Variants in FANCI observed in about 807,000 individuals in gnomAD.
FANCI encodes the protein FA complementation group I, also known as Fanconi anemia group I protein.
Under a neutral mutation model 176.1 loss-of-function variants are expected in FANCI, and 156 were observed. The ratio of observed to expected loss-of-function variants is 0.89; its 90% CI spans 0.78 to 1.01. FANCI has a LOEUF of 1.01. FANCI is among the 50% of genes least tolerant of loss of function. The probability of loss-of-function intolerance (pLI) is 0.00; values close to 1 mark genes in which losing one functional copy is unlikely to be tolerated. For missense variants in FANCI, 1,678 were observed against 1,534.1 expected, an observed-to-expected ratio of 1.09 and a Z score of -1.57; for synonymous variants, 613 against 541.7, an observed-to-expected ratio of 1.13 and a Z score of -1.83.
intron 2 of FANCI, among the ~76,000 whole-genome samples, chr15:89,257,689 A>G (rs2052555348): frequency 1.3e-5 from 2 of 152,166 alleles, no homozygotes; most frequent in African/African-American, 4.8e-5. Context: ...ATAAGGTCAC[A>G]TTCTGAAATA....
At chr15:89,284,671 T>C (rs1293897652) in intron 17 of FANCI, among the ~76,000 whole-genome samples, 4 of 152,222 alleles carry the variant, frequency 2.6e-5, no homozygotes. Context: ...CAGTTCTTTG[T>C]CATGTCCATT....
rs1259478168 is a variant in FANCI at position 89,315,441 on chromosome 15, AG to A, written c.3924+53del. ...CAGCCACTCTTCCTAGCTGGTTAGC[AG>A]CCTATCTGGGAGCAGTCACAGATTA... On this transcript the variant is annotated intron_variant, in intron 37 of 37. Transcript: ENST00000310775. The A allele has an allele frequency of 7.0e-6, 9 of 1,292,564 alleles. No homozygotes were observed. In the African/African-American group the frequency reaches 1.3e-4, roughly 19 times the overall value. The allele number at this position is 1,292,564 out of a possible 1,614,324, so 80.1% of individuals were successfully genotyped here. A position where few individuals can be genotyped will look rare whatever the true frequency, so the allele number is the denominator to read the frequency against.
At chr15:89,261,485 C>A in intron 4 of FANCI, 100 bp from the exon 5 acceptor site, 1 of 1,435,338 alleles carries the variant, frequency 7.0e-7, no homozygotes, top group Non-Finnish European at 9.8e-7. Flanking sequence ...TTCTGGATCT[C>A]GGTCAATTCA....
chr15:89,245,276 C>A (rs1183503467), intron 1 of FANCI: 1 of 143,182 alleles, frequency 7.0e-6, no homozygotes, highest in African/African-American at 2.6e-5. Flanking sequence ...TCAAGTGATT[C>A]TCCTGCCTCA....
intron 1 of FANCI, among the ~76,000 whole-genome samples, chr15:89,246,751 C>A (rs1374572751): frequency 1.4e-5 from 2 of 141,748 alleles, no homozygotes; most frequent in African/African-American, 5.4e-5. Flanking sequence ...TTCTTTCTTT[C>A]TTTCTTCCTT....
At chr15:89,297,321 C>T (rs1416263722) in intron 24 of FANCI, among the ~76,000 whole-genome samples, 24 of 151,986 alleles carry the variant, frequency 1.6e-4, no homozygotes, top group Non-Finnish European at 2.5e-4. Flanking sequence ...GATGGGATTG[C>T]GGCCGGGCAG....
rs1596302971 is a variant in FANCI at position 89,291,512 on chromosome 15, G to A, written c.1891-101G>A. ...TTCTTTGAACAGTTGGGAAATGTGT[G>A]TTAGAAGGCATTAGACATTAAAGAT... On this transcript the variant is annotated intron_variant, in intron 19 of 37. Transcript: ENST00000310775. The A allele has an allele frequency of 6.5e-6, 6 of 917,402 alleles. No homozygotes were observed. The East Asian group carries it at 1.2e-4, about 19-fold the overall frequency. 56.8% of individuals were successfully genotyped at this position (917,402 alleles called of 1,614,324 possible). A position where few individuals can be genotyped will look rare whatever the true frequency, so the allele number is the denominator to read the frequency against.
At chr15:89,269,764 A>G (rs1596261215) in intron 10 of FANCI, among the ~76,000 whole-genome samples, 1 of 151,958 alleles carries the variant, frequency 6.6e-6, no homozygotes, top group East Asian at 1.9e-4. Context: ...GGACACTGAA[A>G]TCTGAATTTT....
chr15:89,301,910 G>A (rs1482664371), intron 27 of FANCI, among the ~76,000 whole-genome samples: 1 of 152,214 alleles, frequency 6.6e-6, no homozygotes. Context: ...TTCAGAAAGT[G>A]TAACTATAGT....
intron 3 of FANCI, 144 bp from the exon 4 acceptor site, chr15:89,260,569 T>G: frequency 9.5e-7 from 1 of 1,054,612 alleles, no homozygotes; most frequent in South Asian, 1.3e-5. Flanking sequence ...TCAAAGCCCT[T>G]AACCATTGCT....
Position 89,261,592 on chromosome 15 carries a change from A to G in FANCI, c.296A>G (p.His99Arg). ...IIGLLMLEAH[H>R]FPGPLLVELA... ...TATCCTGTGAACTTTTAGGCTCACC[A>G]TTTTCCAGGACCATTATTGGTTGAA... Residue 99 changes from histidine (H) to arginine (R), a missense_variant, in exon 5 of 38, where the codon CAT becomes CGT. His to Arg is a conservative substitution (Grantham distance 29). Transcript: ENST00000310775. 1 of 1,614,124 alleles carries G rather than the reference A, an allele frequency of 6.2e-7. No homozygotes were observed. The highest frequency in any genetic ancestry group is 8.5e-7 in the Non-Finnish European group (1 of 1,180,012).
intron 25 of FANCI, 103 bp downstream of exon 25, chr15:89,300,069 C>G (rs1395755988): frequency 3.7e-6 from 5 of 1,337,522 alleles, no homozygotes; most frequent in Admixed American, 3.4e-5. Flanking sequence ...GAGAACAGTC[C>G]TAATGTTGCT....
At chr15:89,266,750 G>A (rs1298114249) in intron 9 of FANCI, among the ~76,000 whole-genome samples, 1 of 152,160 alleles carries the variant, frequency 6.6e-6, no homozygotes, top group African/African-American at 2.4e-5. Context: ...TGGAATTACA[G>A]GAGCAAGCTG....
At chr15:89,268,297 C>T (rs1484450166) in intron 9 of FANCI, 102 bp from the exon 10 acceptor site, 1 of 1,263,682 alleles carries the variant, frequency 7.9e-7, no homozygotes, top group African/African-American at 1.5e-5. Flanking sequence ...TCTTGAACTC[C>T]TGGGATCAAG....
intron 34 of FANCI, among the ~76,000 whole-genome samples, chr15:89,310,115 G>C (rs2054896161): frequency 6.6e-6 from 1 of 152,190 alleles, no homozygotes; most frequent in African/African-American, 2.4e-5. Context: ...AACCCAGCTA[G>C]TTAGACTCGA....
intron 11 of FANCI, among the ~76,000 whole-genome samples, chr15:89,273,900 T>C (rs1404835952): frequency 1.3e-5 from 2 of 152,114 alleles, no homozygotes; most frequent in Non-Finnish European, 2.9e-5. Flanking sequence ...ACTTTTAGCC[T>C]TTTTTCCCCC....
At chr15:89,305,775 T>C (rs1043746985) in intron 31 of FANCI, 77 bp downstream of exon 31, 2 of 1,444,796 alleles carry the variant, frequency 1.4e-6, no homozygotes, top group African/African-American at 1.4e-5. Context: ...TGCATAAAAA[T>C]GGAGCCCCTG....
chr15:89,273,138 AAAAAATT>A (rs1000779308), intron 10 of FANCI, among the ~76,000 whole-genome samples: 68 of 151,986 alleles, frequency 4.5e-4, no homozygotes, highest in African/African-American at 7.7e-4. Context: ...CATCTCTCCA[AAAAAATT>A]AAAAATTAAA....
intron 6 of FANCI, among the ~76,000 whole-genome samples, chr15:89,262,400 T>G (rs2052751486): frequency 6.6e-6 from 1 of 152,158 alleles, no homozygotes; most frequent in African/African-American, 2.4e-5. Flanking sequence ...GTGACCAGTA[T>G]AAGCATACAG....
Sources: allele counts gnomAD v4.1 joint callset (sites outside exome capture counted in the v4.1 genomes callset), GRCh38; gene constraint gnomAD v4.1.1; transcripts MANE v1.5; gene names NCBI Gene and HGNC (gene_info 2026-07-23, HGNC 2026-07-21).